PCDHGB5: variants seen among roughly 807,000 people sequenced by gnomAD.
The protein encoded by PCDHGB5 is protocadherin gamma-B5.
PCDHGB5 carries 48 observed loss-of-function variants against 62.9 expected under a neutral mutation model. The ratio of observed to expected loss-of-function variants is 0.76; its 90% CI spans 0.61 to 0.97. The LOEUF (loss-of-function observed/expected upper bound fraction) is 0.97, where lower values mean the gene tolerates loss of function less well. Ranked by LOEUF, PCDHGB5 falls within the 50% of genes least tolerant of loss-of-function variation. The pLI, the probability that PCDHGB5 is intolerant of heterozygous loss-of-function variation, is 0.00. For missense variants in PCDHGB5, 1,118 were observed against 1,198.6 expected (o/e 0.93, Z 0.99); for synonymous variants, 474 against 511.2 (o/e 0.93, Z 0.98).
chr5:141,427,034 A>G (rs762633589), intron 1 of PCDHGB5: 7 of 457,110 alleles, frequency 1.5e-5, no homozygotes, highest in Non-Finnish European at 2.6e-5. Flanking sequence ...TCAGCCTTAG[A>G]GAGAATGTGC....
At chr5:141,408,076 A>C in intron 1 of PCDHGB5, 1 of 1,399,800 alleles carries the variant, frequency 7.1e-7, no homozygotes. Flanking sequence ...GACCTTTCCC[A>C]GCACAGCGGA....
At chr5:141,457,393 T>G (rs1299068071) in intron 1 of PCDHGB5, among the ~76,000 whole-genome samples, 1 of 152,228 alleles carries the variant, frequency 6.6e-6, no homozygotes, top group African/African-American at 2.4e-5. Flanking sequence ...AGCATATTGA[T>G]TCACATTTTC....
chr5:141,419,258 C>A, intron 1 of PCDHGB5: 3 of 1,614,028 alleles, frequency 1.9e-6, no homozygotes, highest in Non-Finnish European at 2.5e-6. Flanking sequence ...AAACAACCAG[C>A]CGGGTGCCTC....
intron 1 of PCDHGB5, among the ~76,000 whole-genome samples, chr5:141,448,869 T>C (rs1375609555): frequency 6.6e-6 from 1 of 151,930 alleles, no homozygotes; most frequent in Non-Finnish European, 1.5e-5. Flanking sequence ...GGCGTGAACC[T>C]GGGAGGCGGA....
chr5:141,431,405 G>A lies in PCDHGB5; in HGVS notation c.2397+30881G>A, dbSNP rs2097369508. Reference sequence around the variant, plus strand: ...TCACCACCTGGTCCTTACGGCCTCCGACGGGGGCGACCCGGTGCGCACAGG... The same window carrying A: ...TCACCACCTGGTCCTTACGGCCTCCAACGGGGGCGACCCGGTGCGCACAGG... On this transcript the variant is annotated intron_variant, in intron 1 of 3. Transcript: ENST00000617380. The surrounding 1 kb of genome is among the most constrained non-coding windows in gnomAD (Gnocchi z 4.8). 1 of 1,613,614 alleles carries A rather than the reference G, an allele frequency of 6.2e-7. No individual in the cohort carries two copies.
rs748803155 is a variant in PCDHGB5, at chr5:141,490,087, G to C, written c.2398-4720G>C. ...CGGCCAACTAGACTATTCTTTTGGAGACCACACATCTGAGGCAGTGCGGAA... is the reference window on the plus strand; with the variant it reads ...CGGCCAACTAGACTATTCTTTTGGACACCACACATCTGAGGCAGTGCGGAA... On this transcript the variant is annotated intron_variant, in intron 1 of 3. Transcript: ENST00000617380. The surrounding 1 kb of genome is among the most constrained non-coding windows in gnomAD (Gnocchi z 5.4). 1.9e-6 allele frequency: 3 copies of C among 1,614,244 alleles called. No individual in the cohort carries two copies. Among genetic ancestry groups the C allele is most frequent in the Non-Finnish European group, 2.5e-6 (3 of 1,180,044 alleles).
rs760681088 is a variant in PCDHGB5 at position 141,400,401 on chromosome 5, G to T, written c.2274G>T (p.Thr758=). Residue 758 remains threonine, a synonymous_variant, in exon 1 of 4, where the codon ACG becomes ACT. Coordinates refer to ENST00000617380, the MANE Select transcript of PCDHGB5 (RefSeq NM_018925.3). Reference sequence around the variant, plus strand: ...TATGTGTTGCACATACAGGAAAGACGGAGTTTAATTTCCTAAAATGTAGTG... The same window carrying T: ...TATGTGTTGCACATACAGGAAAGACTGAGTTTAATTTCCTAAAATGTAGTG... ...YNLCVAHTGK[T]EFNFLKCSEQ... The T allele has an allele frequency of 3.1e-6, 5 of 1,613,936 alleles. No individual in the cohort carries two copies. The highest frequency in any genetic ancestry group is 4.2e-6 in the Non-Finnish European group (5 of 1,179,914).
At chr5:141,419,024 G>A (rs1423033793) in intron 1 of PCDHGB5, 2 of 1,613,874 alleles carry the variant, frequency 1.2e-6, no homozygotes, top group Admixed American at 1.7e-5. Flanking sequence ...CTTAAGTAGA[G>A]GTGTTCCATT....
In PCDHGB5 at chr5:141,489,705, C is replaced by G; in HGVS notation, c.2398-5102C>G. The G allele has an allele frequency of 6.2e-7, 1 of 1,614,022 alleles. No homozygotes were observed. The highest frequency in any genetic ancestry group is 1.1e-5 in the South Asian group (1 of 91,074). ...CATCTGGGGCACGATTCCCACTGGA[C>G]AGTGCCCAGGATCCGGATGTGGGCA... On this transcript the variant is annotated intron_variant, in intron 1 of 3. Coordinates refer to ENST00000617380, the MANE Select transcript of PCDHGB5 (RefSeq NM_018925.3). The surrounding 1 kb of genome is among the most constrained non-coding windows in gnomAD (Gnocchi z 4.5).
chr5:141,403,169 C>T, intron 1 of PCDHGB5: 13 of 1,614,016 alleles, frequency 8.1e-6, no homozygotes, highest in Non-Finnish European at 1.1e-5. Flanking sequence ...AGGTAGGACG[C>T]AGCTTTTCTC....
chr5:141,412,000 C>G (rs936679371), intron 1 of PCDHGB5: 4 of 151,788 alleles, frequency 2.6e-5, no homozygotes, highest in East Asian at 1.9e-4. Flanking sequence ...GGCATAGTGA[C>G]ATAAACACTT....
intron 1 of PCDHGB5, chr5:141,407,952 G>A (rs1235192174): frequency 2.7e-5 from 17 of 633,328 alleles, no homozygotes; most frequent in Admixed American, 1.4e-4. Context: ...CTGTCGGCCA[G>A]TGCAGAGCAA....
chr5:141,485,922 G>C lies in PCDHGB5; in HGVS notation c.2398-8885G>C. 6.2e-7 allele frequency: 1 copy of C among 1,614,170 alleles called. No individual in the cohort carries two copies. The highest frequency in any genetic ancestry group is 8.5e-7 in the Non-Finnish European group (1 of 1,180,036). On this transcript the variant is annotated intron_variant, in intron 1 of 3. Transcript: ENST00000617380. This position sits in a 1 kb window ranked among gnomAD's most constrained non-coding sequence, Gnocchi z 5.7. The stretch of plus-strand genomic sequence containing the variant: ...TTCCAGCAATCCAGCTACAGGATTA[G>C]TGTGTTGGAGAGCGCACCAGCGGGC...
intron 1 of PCDHGB5, chr5:141,408,089 G>C: frequency 7.0e-7 from 1 of 1,424,386 alleles, no homozygotes; most frequent in Non-Finnish European, 9.2e-7. Flanking sequence ...ACAGCGGATT[G>C]CCAGCTCCGA....
intron 1 of PCDHGB5, 78 bp from the exon 2 acceptor site, chr5:141,494,729 C>CG: frequency 6.2e-7 from 1 of 1,610,168 alleles, no homozygotes; most frequent in South Asian, 1.1e-5. Context: ...CCTTCTCTCC[C>CG]GGCCCATCCC....
Position 141,489,072 on chromosome 5 carries a change from AC to A in PCDHGB5, c.2398-5730del. The A allele has an allele frequency of 6.3e-6, 1 of 157,708 alleles. No individual in the cohort carries two copies. The highest frequency in any genetic ancestry group is 1.2e-5 in the Non-Finnish European group (1 of 83,994). The allele number at this position is 157,708 out of a possible 1,614,324, so 9.8% of individuals were successfully genotyped here. On this transcript the variant is annotated intron_variant, in intron 1 of 3. Coordinates refer to ENST00000617380, the MANE Select transcript of PCDHGB5 (RefSeq NM_018925.3). This position sits in a 1 kb window ranked among gnomAD's most constrained non-coding sequence, Gnocchi z 4.5. ...AATTCAGCTCCCCTCCCCCCTGCCC[AC>A]CCCCGCCACTCGGTGACTAAGAACT...
intron 1 of PCDHGB5, among the ~76,000 whole-genome samples, chr5:141,437,339 T>A (rs1008090968): frequency 3.3e-5 from 5 of 152,262 alleles, no homozygotes; most frequent in Non-Finnish European, 7.3e-5. Context: ...GTAGCTTCAC[T>A]GTTTTATAGT....
intron 1 of PCDHGB5, chr5:141,441,088 G>A (rs1050261040): frequency 3.9e-5 from 6 of 152,162 alleles, no homozygotes; most frequent in African/African-American, 1.4e-4. Context: ...GGTAGCAAGT[G>A]ACAGAGAGGG....
At position 141,478,749 on chromosome 5, in the gene PCDHGB5, G is replaced by A. The variant is rs1306895064; in HGVS notation, c.2398-16058G>A. On this transcript the variant is annotated intron_variant, in intron 1 of 3. Coordinates refer to ENST00000617380, the MANE Select transcript of PCDHGB5 (RefSeq NM_018925.3). ...GAGTGTGGTTTGTGGTCCCATTTCA[G>A]GGGGAAGATACTTGACTCATCTGTG... The A allele has an allele frequency of 3.3e-6, 5 of 1,524,326 alleles. No homozygotes were observed. The South Asian group carries it at 6.4e-5, about 19-fold the overall frequency. The allele number at this position is 1,524,326 out of a possible 1,614,324, so 94.4% of individuals were successfully genotyped here.
Sources: allele counts gnomAD v4.1 joint callset (sites outside exome capture counted in the v4.1 genomes callset), GRCh38; gene constraint gnomAD v4.1.1; non-coding constraint Gnocchi (gnomAD v3.1); transcripts MANE v1.5; gene names NCBI Gene and HGNC (gene_info 2026-07-23, HGNC 2026-07-21).